Variants in MAP3K7 observed in about 807,000 individuals in gnomAD.
MAP3K7 encodes TGF-beta activated kinase 1.
In MAP3K7, 21 loss-of-function variants were observed where a neutral mutation model predicts 84.8. That is an observed-to-expected ratio of 0.25 (90% CI 0.18 to 0.36). The LOEUF (loss-of-function observed/expected upper bound fraction) is 0.36, where lower values mean the gene tolerates loss of function less well. Among genes scored for constraint, MAP3K7 ranks in the 10% least tolerant of loss-of-function variants. The pLI, the probability that MAP3K7 is intolerant of heterozygous loss-of-function variation, is 1.00. For synonymous variants in MAP3K7, 241 were observed against 247.7 expected (o/e 0.97, Z 0.25); for missense variants, 503 against 747.7 (o/e 0.67, Z 3.82).
chr6:90,570,712 G>A (rs192058806), intron 2 of MAP3K7, among the ~76,000 whole-genome samples: 4 of 152,190 alleles, frequency 2.6e-5, no homozygotes, highest in East Asian at 1.9e-4. Flanking sequence ...TTTTCTTCAC[G>A]CTATTACGAT....
chr6:90,558,999 ACTCTGT>A (rs1776422543), intron 5 of MAP3K7, among the ~76,000 whole-genome samples: 1 of 152,202 alleles, frequency 6.6e-6, no homozygotes, highest in Non-Finnish European at 1.5e-5. Flanking sequence ...TAATAATTCA[ACTCTGT>A]TAATATAGTG....
intron 9 of MAP3K7, 101 bp from the exon 10 acceptor site, chr6:90,548,278 G>A: frequency 1.0e-6 from 1 of 975,884 alleles, no homozygotes; most frequent in Non-Finnish European, 1.5e-6. Flanking sequence ...AGCCAGGCAG[G>A]AACAGAAATA....
intron 13 of MAP3K7, among the ~76,000 whole-genome samples, chr6:90,527,421 C>T (rs753421955): frequency 1.7e-4 from 26 of 152,062 alleles, no homozygotes; most frequent in Admixed American, 4.6e-4. Flanking sequence ...CGGCACCATG[C>T]ATGGCTAATT....
intron 13 of MAP3K7, among the ~76,000 whole-genome samples, chr6:90,534,217 GA>G (rs1775593869): frequency 6.6e-6 from 1 of 152,090 alleles, no homozygotes; most frequent in East Asian, 1.9e-4. Flanking sequence ...TTCCAATTTT[GA>G]AAACACATAT....
chr6:90,532,362 C>G (rs949539085), intron 13 of MAP3K7, among the ~76,000 whole-genome samples: 5 of 152,154 alleles, frequency 3.3e-5, no homozygotes, highest in African/African-American at 9.7e-5. Context: ...GGCTGGCATA[C>G]AACATGGATT....
At chr6:90,569,961 A>T (rs1776845133) in intron 2 of MAP3K7, among the ~76,000 whole-genome samples, 2 of 152,174 alleles carry the variant, frequency 1.3e-5, no homozygotes, top group Non-Finnish European at 2.9e-5. Context: ...TGCTAATAAA[A>T]AGCTCTATCT....
chr6:90,521,048 C>T (rs157701), intron 14 of MAP3K7, among the ~76,000 whole-genome samples: 106,774 of 151,834 alleles, frequency 0.7, 37,884 homozygotes, highest in Middle Eastern at 0.8. Context: ...ATTCTGGGAG[C>T]AGAAAAAAAG....
intron 9 of MAP3K7, among the ~76,000 whole-genome samples, chr6:90,549,508 C>A (rs1465269793): frequency 6.6e-6 from 1 of 151,994 alleles, no homozygotes; most frequent in Non-Finnish European, 1.5e-5. Context: ...GCCAAGCAAG[C>A]TTGAGAGAGA....
intron 12 of MAP3K7, among the ~76,000 whole-genome samples, chr6:90,541,370 C>G (rs751565727): frequency 2.2e-4 from 33 of 151,980 alleles, no homozygotes; most frequent in Non-Finnish European, 4.3e-4. Context: ...TTTACATTTA[C>G]TTTGCTTAGG....
At chr6:90,530,284 A>C (rs761063547) in intron 13 of MAP3K7, among the ~76,000 whole-genome samples, 2 of 152,218 alleles carry the variant, frequency 1.3e-5, no homozygotes, top group Non-Finnish European at 2.9e-5. Flanking sequence ...AATCAACAAA[A>C]TACAGTAGAA....
intron 1 of MAP3K7, among the ~76,000 whole-genome samples, chr6:90,583,824 C>A (rs1356372156): frequency 6.6e-6 from 1 of 152,200 alleles, no homozygotes; most frequent in Non-Finnish European, 1.5e-5. Context: ...TTTATTCCAA[C>A]ATTCTCTACA....
chr6:90,566,152 A>C (rs1776696065), intron 3 of MAP3K7, among the ~76,000 whole-genome samples: 1 of 152,218 alleles, frequency 6.6e-6, no homozygotes, highest in South Asian at 2.1e-4. Flanking sequence ...GAAAACTGGC[A>C]CAAGACAAGG....
chr6:90,525,900 C>T (rs982076484), intron 13 of MAP3K7, among the ~76,000 whole-genome samples: 1 of 151,444 alleles, frequency 6.6e-6, no homozygotes, highest in Admixed American at 6.6e-5. Context: ...TACATATAAA[C>T]ACATAAAGTA....
intron 12 of MAP3K7, among the ~76,000 whole-genome samples, chr6:90,538,859 T>C (rs533518065): frequency 1.3e-5 from 2 of 152,022 alleles, no homozygotes; most frequent in East Asian, 3.9e-4. Flanking sequence ...GTTAAGCTCA[T>C]AGTTTTCCTT....
chr6:90,549,579 G>A (rs1249501860), intron 9 of MAP3K7, among the ~76,000 whole-genome samples: 1 of 152,058 alleles, frequency 6.6e-6, no homozygotes, highest in African/African-American at 2.4e-5. Context: ...ATTAAGTGGA[G>A]GGAGAAAGAA....
chr6:90,532,898 G>A (rs768208165), intron 13 of MAP3K7, among the ~76,000 whole-genome samples: 1 of 152,104 alleles, frequency 6.6e-6, no homozygotes, highest in Non-Finnish European at 1.5e-5. Flanking sequence ...AGAGATCTAG[G>A]GCTATAACAG....
intron 7 of MAP3K7, among the ~76,000 whole-genome samples, chr6:90,552,764 TA>T (rs1189205290): frequency 6.6e-6 from 1 of 152,208 alleles, no homozygotes. Flanking sequence ...CATATGTGGT[TA>T]AAAACAACAT....
Position 90,543,270 on chromosome 6 carries a change from CAATAGT to C in MAP3K7, c.1291+1276_1291+1281del, listed in dbSNP as rs766573894. ...TGGGTTAACTCTACTCTTTGAATAG[CAATAGT>C]AATGATGTTGTAAAATAAGAAACCA... On this transcript the variant is annotated intron_variant, in intron 12 of 16. Transcript: ENST00000369329. Among the ~76,000 whole-genome samples, 35 of 152,020 alleles carry C rather than the reference CAATAGT, an allele frequency of 2.3e-4. No individual in the cohort carries two copies. In the Middle Eastern group the frequency reaches 0.017, roughly 74 times the overall value.
At chr6:90,548,003 C>T (rs766968690) in intron 10 of MAP3K7, 44 bp downstream of exon 10, 2 of 1,521,784 alleles carry the variant, frequency 1.3e-6, no homozygotes, top group Admixed American at 3.9e-5. Context: ...AATATTGTGA[C>T]TACTGGTAAG....
Sources: gnomAD v4.1 joint callset for allele counts (sites outside exome capture counted in the v4.1 genomes callset) on GRCh38, gnomAD v4.1.1 for gene constraint, MANE v1.5 for transcripts, NCBI Gene and HGNC (gene_info 2026-07-23, HGNC 2026-07-21) for gene names.